The following CORO1C variants were observed in gnomAD, a reference collection of about 807,000 sequenced individuals.
The protein encoded by CORO1C is coronin 1C, also known as coronin-1C.
CORO1C carries 14 observed loss-of-function variants against 51.2 expected under a neutral mutation model. The ratio of observed to expected loss-of-function variants is 0.27; its 90% CI spans 0.18 to 0.43. The LOEUF (loss-of-function observed/expected upper bound fraction) is 0.43. Among genes scored for constraint, CORO1C ranks in the 20% least tolerant of loss-of-function variants. The pLI is 1.00. For missense variants in CORO1C, 417 were observed against 607.8 expected (o/e 0.69, Z 3.30); for synonymous variants, 181 against 210.5 (o/e 0.86, Z 1.21).
At chr12:108,675,898 G>A (rs2136829671) in intron 3 of CORO1C, among the ~76,000 whole-genome samples, 1 of 152,282 alleles carries the variant, frequency 6.6e-6, no homozygotes, top group African/African-American at 2.4e-5. Context: ...CCAATTTGCA[G>A]GAAATTCAGA....
At chr12:108,672,191 G>A (rs1382291985) in intron 3 of CORO1C, among the ~76,000 whole-genome samples, 5 of 152,126 alleles carry the variant, frequency 3.3e-5, no homozygotes, top group Non-Finnish European at 5.9e-5. Flanking sequence ...AACAAGCTTC[G>A]GATGATCCAA....
intron 1 of CORO1C, among the ~76,000 whole-genome samples, chr12:108,714,057 T>C (rs950600975): frequency 1.3e-5 from 2 of 152,194 alleles, no homozygotes; most frequent in African/African-American, 4.8e-5. Flanking sequence ...CTGAAAATCC[T>C]TAGCTTAGCC....
At chr12:108,718,547 CAAAAAG>C (rs910486298) in intron 1 of CORO1C, among the ~76,000 whole-genome samples, 3 of 151,308 alleles carry the variant, frequency 2.0e-5, no homozygotes, top group Non-Finnish European at 4.4e-5. Context: ...ACCTCAAAAA[CAAAAAG>C]AAAGAAAGAA....
intron 1 of CORO1C, among the ~76,000 whole-genome samples, chr12:108,702,449 A>C (rs1008044801): frequency 5.9e-5 from 9 of 152,302 alleles, no homozygotes; most frequent in African/African-American, 2.2e-4. Flanking sequence ...TCTGATAGAC[A>C]CTGAAAGCTT....
chr12:108,720,983 T>C (rs1488007671), intron 1 of CORO1C, among the ~76,000 whole-genome samples: 1 of 152,108 alleles, frequency 6.6e-6, no homozygotes, highest in East Asian at 1.9e-4. Context: ...CCAGGCAATA[T>C]GCTAGGAAAT....
At chr12:108,720,081 G>C (rs2035439967) in intron 1 of CORO1C, among the ~76,000 whole-genome samples, 1 of 152,142 alleles carries the variant, frequency 6.6e-6, no homozygotes, top group Non-Finnish European at 1.5e-5. Flanking sequence ...AGCTACTCGA[G>C]AGGCTGAGGT....
intron 1 of CORO1C, among the ~76,000 whole-genome samples, chr12:108,724,706 TAAG>T (rs2035547346): frequency 6.6e-6 from 1 of 152,220 alleles, no homozygotes; most frequent in African/African-American, 2.4e-5. Flanking sequence ...CATAAATTTT[TAAG>T]AAGAAATGTA....
At chr12:108,715,190 C>A (rs1018404101) in intron 1 of CORO1C, among the ~76,000 whole-genome samples, 2 of 152,052 alleles carry the variant, frequency 1.3e-5, no homozygotes, top group African/African-American at 4.8e-5. Context: ...GCTATTATTG[C>A]ACCACTGAAC....
intron 4 of CORO1C, among the ~76,000 whole-genome samples, chr12:108,660,137 C>T (rs2136809711): frequency 6.6e-6 from 1 of 152,316 alleles, no homozygotes; most frequent in Middle Eastern, 3.4e-3. Context: ...ATCCAGGATA[C>T]TTAAGTTACC....
rs1490933134 is a variant in CORO1C at position 108,646,398 on chromosome 12, C to T, written c.*1005G>A. On this transcript the variant is annotated 3_prime_UTR_variant, in exon 11 of 11. Coordinates refer to ENST00000261401, the MANE Select transcript of CORO1C (RefSeq NM_014325.4). The stretch of plus-strand genomic sequence containing the variant: ...CACATTTTTAGTCCCCACCACTGTA[C>T]TCAAGAGCTGGGCAAGCTGCTGAAA... 6.6e-6 allele frequency: 1 copy of T among 152,306 alleles called. No homozygotes were observed. The highest frequency in any genetic ancestry group is 1.5e-5 in the Non-Finnish European group (1 of 68,142). 9.4% of individuals were successfully genotyped at this position (152,306 alleles called of 1,614,324 possible). A position where few individuals can be genotyped will look rare whatever the true frequency, so the allele number is the denominator to read the frequency against.
At chr12:108,715,670 C>CCTAAGGA in intron 1 of CORO1C, among the ~76,000 whole-genome samples, 1 of 52,288 alleles carries the variant, frequency 1.9e-5, no homozygotes, top group East Asian at 3.8e-4. Flanking sequence ...ACAACACTGG[C>CCTAAGGA]AGCAGCCATC....
At chr12:108,715,836 A>C (rs1028349491) in intron 1 of CORO1C, among the ~76,000 whole-genome samples, 1 of 152,020 alleles carries the variant, frequency 6.6e-6, no homozygotes, top group Non-Finnish European at 1.5e-5. Context: ...AATCTCACTT[A>C]AAAATTAATC....
chr12:108,670,312 T>C (rs919919016), intron 3 of CORO1C, among the ~76,000 whole-genome samples: 9 of 152,070 alleles, frequency 5.9e-5, no homozygotes, highest in African/African-American at 2.2e-4. Flanking sequence ...CAGCAGAAAC[T>C]GGGAAGGATT....
Position 108,646,911 on chromosome 12 carries a change from AG to A in CORO1C, c.*491del, listed in dbSNP as rs1451517382. ...ACACAGTGCTGTCCCTTTCAAATTA[AG>A]GAAAAAAAACCACACACACAAATAC... On this transcript the variant is annotated 3_prime_UTR_variant, in exon 11 of 11. Transcript: ENST00000261401. 5 of 152,972 alleles carry A rather than the reference AG, an allele frequency of 3.3e-5. No individual in the cohort carries two copies. Among genetic ancestry groups the A allele is most frequent in the African/African-American group, 1.2e-4 (5 of 41,460 alleles). The allele number at this position is 152,972 out of a possible 1,614,324, so 9.5% of individuals were successfully genotyped here. A position where few individuals can be genotyped will look rare whatever the true frequency, so the allele number is the denominator to read the frequency against.
Position 108,723,300 on chromosome 12 carries a change from C to A in CORO1C, c.-6+8129G>T, listed in dbSNP as rs144737336. Among the ~76,000 whole-genome samples, 523 of 152,242 alleles carry A rather than the reference C, an allele frequency of 3.4e-3. 6 individuals are homozygous for A. The highest frequency in any genetic ancestry group is 0.012 in the African/African-American group (499 of 41,534). On this transcript the variant is annotated intron_variant, in intron 1 of 10. Coordinates refer to ENST00000261401, the MANE Select transcript of CORO1C (RefSeq NM_014325.4). Reference sequence around the variant, plus strand: ...AATAAATCAGTCAATTCTTTAAGTTCCTAAGAATGAAAGGAATTAGAATCT... The same window carrying A: ...AATAAATCAGTCAATTCTTTAAGTTACTAAGAATGAAAGGAATTAGAATCT...
Position 108,646,381 on chromosome 12 carries a change from T to C in CORO1C, c.*1022A>G, listed in dbSNP as rs1220788359. The C allele has an allele frequency of 6.6e-6, 1 of 152,276 alleles. No homozygotes were observed. Among genetic ancestry groups the C allele is most frequent in the Non-Finnish European group, 1.5e-5 (1 of 68,126 alleles). The allele number at this position is 152,276 out of a possible 1,614,324, so 9.4% of individuals were successfully genotyped here. ...ACCCCTCTCCACATGCCCACATTTT[T>C]AGTCCCCACCACTGTACTCAAGAGC... is the stretch of plus-strand genomic sequence containing the variant. On this transcript the variant is annotated 3_prime_UTR_variant, in exon 11 of 11. Transcript: ENST00000261401.
At chr12:108,716,916 C>T (rs1001473426) in intron 1 of CORO1C, among the ~76,000 whole-genome samples, 1 of 152,226 alleles carries the variant, frequency 6.6e-6, no homozygotes, top group Non-Finnish European at 1.5e-5. Context: ...TTTGACCATG[C>T]GCCTAGCACC....
rs1290872628 is a variant in CORO1C, at chr12:108,731,083, C to G, written c.-6+346G>C. The G allele has an allele frequency of 1.3e-5, 2 of 153,434 alleles. No individual in the cohort carries two copies. The highest frequency in any genetic ancestry group is 2.4e-5 in the African/African-American group (1 of 41,454). The allele number at this position is 153,434 out of a possible 1,614,324, so 9.5% of individuals were successfully genotyped here. ...GATCCCTGACCCCTAAAAGCCTTCC[C>G]TGGGCAGCCTCGTCCCACCTCGGCC... is the stretch of plus-strand genomic sequence containing the variant. On this transcript the variant is annotated intron_variant, in intron 1 of 10. Transcript: ENST00000261401. This position sits in a 1 kb window ranked among gnomAD's most constrained non-coding sequence, Gnocchi z 5.2.
intron 3 of CORO1C, 127 bp from the exon 4 acceptor site, chr12:108,662,285 G>T: frequency 2.5e-6 from 2 of 803,094 alleles, no homozygotes; most frequent in Non-Finnish European, 4.0e-6. Context: ...CTGGATGAAA[G>T]GCAGAATGTT....
Sources: gnomAD v4.1 joint callset for allele counts (sites outside exome capture counted in the v4.1 genomes callset) on GRCh38, gnomAD v4.1.1 for gene constraint, Gnocchi (gnomAD v3.1) non-coding constraint, MANE v1.5 for transcripts, NCBI Gene and HGNC (gene_info 2026-07-23, HGNC 2026-07-21) for gene names.